The following AP3B1 variants were observed in gnomAD, a reference collection of about 807,000 sequenced individuals.
AP3B1 encodes the protein adaptor related protein complex 3 subunit beta 1, also known as AP-3 complex subunit beta-1.
In AP3B1, 61 loss-of-function variants were observed where a neutral mutation model predicts 132.5. The observed-to-expected ratio is 0.46, with a 90% CI of 0.37 to 0.57. The LOEUF is 0.57. Among genes scored for constraint, AP3B1 ranks in the 20% least tolerant of loss-of-function variants. The pLI is 0.00. For synonymous variants in AP3B1, 388 were observed against 438.3 expected, an observed-to-expected ratio of 0.89 and a Z score of 1.43; for missense variants, 1,120 against 1,289.4, an observed-to-expected ratio of 0.87 and a Z score of 2.01.
At chr5:78,292,872 A>T (rs1347617411) in intron 1 of AP3B1, among the ~76,000 whole-genome samples, 2 of 151,824 alleles carry the variant, frequency 1.3e-5, no homozygotes, top group Non-Finnish European at 2.9e-5. Flanking sequence ...TTTGACAAAA[A>T]TCTTTTTCTT....
intron 20 of AP3B1, among the ~76,000 whole-genome samples, chr5:78,108,647 C>A (rs907524109): frequency 6.6e-6 from 1 of 152,158 alleles, no homozygotes; most frequent in African/African-American, 2.4e-5. Context: ...TTTATACTGA[C>A]GTTCTATAGG....
chr5:78,048,744 T>C (rs1484486206), intron 22 of AP3B1, among the ~76,000 whole-genome samples: 1 of 152,254 alleles, frequency 6.6e-6, no homozygotes, highest in African/African-American at 2.4e-5. Context: ...CTGTCCTTGC[T>C]GAAGTTGTTT....
chr5:78,086,227 T>C (rs1750244402), intron 22 of AP3B1, among the ~76,000 whole-genome samples: 1 of 152,206 alleles, frequency 6.6e-6, no homozygotes, highest in Non-Finnish European at 1.5e-5. Flanking sequence ...AGCATATCTA[T>C]GTACAGCCTT....
At chr5:78,047,737 C>CA (rs1748403843) in intron 22 of AP3B1, among the ~76,000 whole-genome samples, 1 of 152,176 alleles carries the variant, frequency 6.6e-6, no homozygotes, top group Non-Finnish European at 1.5e-5. Context: ...ATGTGGGGCT[C>CA]AGAGAAGTGA....
At chr5:78,229,570 T>TAAAAA (rs747124764) in intron 3 of AP3B1, among the ~76,000 whole-genome samples, 27 of 92,922 alleles carry the variant, frequency 2.9e-4, no homozygotes, top group Admixed American at 7.4e-4. Flanking sequence ...CCATTTCTAG[T>TAAAAA]AAAACAAAAA....
At position 78,162,360 on chromosome 5, in the gene AP3B1, T is replaced by C. The variant is rs1025050852; in HGVS notation, c.1363+459A>G. On this transcript the variant is annotated intron_variant, in intron 13 of 26. Coordinates refer to ENST00000255194, the MANE Select transcript of AP3B1 (RefSeq NM_003664.5). ...TAAATCTAGTTAATTTTGAATATAA[T>C]TAGGTGAATTTCTGAGGAAAAAGAA... Among the ~76,000 whole-genome samples the C allele has an allele frequency of 1.9e-4, 29 of 152,170 alleles. 1 individual carries two copies. Among genetic ancestry groups the C allele is most frequent in the Non-Finnish European group, 7.4e-5 (5 of 68,020 alleles).
At chr5:78,129,354 T>A (rs1159994595) in intron 15 of AP3B1, 47 bp from the exon 16 acceptor site, 2 of 1,411,902 alleles carry the variant, frequency 1.4e-6, no homozygotes, top group East Asian at 4.6e-5. Context: ...TATTTATGAT[T>A]ATCGATAACT....
In AP3B1 at chr5:78,080,466, CTTTT is replaced by C. The variant is rs1329035830; in HGVS notation, c.2577+8923_2577+8926del. Among the ~76,000 whole-genome samples the C allele has an allele frequency of 1.3e-4, 16 of 121,500 alleles. No individual in the cohort carries two copies. In the South Asian group the frequency reaches 2.3e-3, roughly 18 times the overall value. 79.7% of individuals were successfully genotyped at this position (121,500 alleles called of 152,430 possible). ...GTTTCCAATTTTCTTTTTTTTTTTTCTTTTTCTTTTTTTTTTGCTCTTACAATGT... is the reference window on the plus strand; with the variant it reads ...GTTTCCAATTTTCTTTTTTTTTTTTCTCTTTTTTTTTTGCTCTTACAATGT... On this transcript the variant is annotated intron_variant, in intron 22 of 26. Transcript: ENST00000255194.
intron 22 of AP3B1, among the ~76,000 whole-genome samples, chr5:78,068,817 A>C (rs2112158233): frequency 6.6e-6 from 1 of 152,232 alleles, no homozygotes; most frequent in African/African-American, 2.4e-5. Context: ...AGCAAACTTC[A>C]GGCCAATATC....
intron 1 of AP3B1, among the ~76,000 whole-genome samples, chr5:78,280,069 T>G (rs1477993386): frequency 9.2e-6 from 1 of 108,552 alleles, no homozygotes; most frequent in African/African-American, 3.1e-5. Context: ...TGAGACTCTG[T>G]CTCAAAAAAA....
intron 3 of AP3B1, among the ~76,000 whole-genome samples, chr5:78,235,418 T>C (rs1004567298): frequency 6.6e-6 from 1 of 152,210 alleles, no homozygotes; most frequent in Non-Finnish European, 1.5e-5. Context: ...CTAGCAGGCA[T>C]TGCAATAATT....
intron 1 of AP3B1, among the ~76,000 whole-genome samples, chr5:78,276,072 A>AT (rs70997979): frequency 0.23 from 33,831 of 148,974 alleles, 4,394 homozygotes; most frequent in Middle Eastern, 0.31. Context: ...CATAATGGTA[A>AT]TTTTTTTTTT....
rs114441750 is a variant in AP3B1 at position 78,196,959 on chromosome 5, T to C, written c.787-15297A>G. On this transcript the variant is annotated intron_variant, in intron 7 of 26. Transcript: ENST00000255194. ...ACACAATGGTGTATTCATGTTATCA[T>C]ATATCAGACAAAATCCGAAGAATGT... Among the ~76,000 whole-genome samples, 398 of 152,302 alleles carry C rather than the reference T, an allele frequency of 2.6e-3. 1 individual carries two copies. The highest frequency in any genetic ancestry group is 9.0e-3 in the African/African-American group (376 of 41,548).
intron 15 of AP3B1, among the ~76,000 whole-genome samples, chr5:78,135,410 T>C (rs1580392504): frequency 6.6e-6 from 1 of 152,162 alleles, no homozygotes; most frequent in East Asian, 1.9e-4. Flanking sequence ...TATGGATGCA[T>C]ATTCATATAA....
At chr5:78,168,024 A>T (rs1327913003) in intron 11 of AP3B1, among the ~76,000 whole-genome samples, 20 of 150,816 alleles carry the variant, frequency 1.3e-4, no homozygotes, top group Non-Finnish European at 3.0e-5. Context: ...AAAAAAAAAA[A>T]AAAACAAAAA....
At chr5:78,064,089 G>C (rs1749175763) in intron 22 of AP3B1, among the ~76,000 whole-genome samples, 2 of 150,752 alleles carry the variant, frequency 1.3e-5, no homozygotes, top group South Asian at 4.2e-4. Flanking sequence ...AAAAAAAAAG[G>C]AGCATGAAGT....
At chr5:78,292,042 A>C (rs1368811738) in intron 1 of AP3B1, among the ~76,000 whole-genome samples, 2 of 149,840 alleles carry the variant, frequency 1.3e-5, no homozygotes, top group African/African-American at 2.4e-5. Context: ...GCAATGTAGC[A>C]TTTTTTTTTT....
At chr5:78,087,212 CA>C (rs937240340) in intron 22 of AP3B1, among the ~76,000 whole-genome samples, 27 of 152,110 alleles carry the variant, frequency 1.8e-4, no homozygotes, top group African/African-American at 6.0e-4. Context: ...TTTCAGGATC[CA>C]AAAAAGCTCC....
chr5:78,257,906 T>C (rs942773574), intron 2 of AP3B1, among the ~76,000 whole-genome samples: 2 of 152,042 alleles, frequency 1.3e-5, no homozygotes, highest in African/African-American at 4.8e-5. Flanking sequence ...GAGCATACAC[T>C]GAGGAAAAGA....
Sources: allele counts gnomAD v4.1 joint callset (sites outside exome capture counted in the v4.1 genomes callset), GRCh38; gene constraint gnomAD v4.1.1; transcripts MANE v1.5; gene names NCBI Gene and HGNC (gene_info 2026-07-23, HGNC 2026-07-21).